Variants in GABRA3 observed in about 807,000 individuals in gnomAD.
GABRA3 encodes gamma-aminobutyric acid type A receptor subunit alpha3, also known as gamma-aminobutyric acid receptor subunit alpha-3.
GABRA3 carries 10 observed loss-of-function variants against 30.1 expected under a neutral mutation model. The ratio of observed to expected loss-of-function variants is 0.33; its 90% CI spans 0.20 to 0.56. The LOEUF is 0.56. Ranked by LOEUF, GABRA3 falls within the 20% of genes least tolerant of loss-of-function variation. The probability of loss-of-function intolerance (pLI) is 0.89; values close to 1 mark genes in which losing one functional copy is unlikely to be tolerated. For synonymous variants in GABRA3, 151 were observed against 146.8 expected (o/e 1.03, Z -0.21); for missense variants, 233 against 392.0 (o/e 0.59, Z 3.42).
Position 152,408,335 on chromosome X carries a change from CA to C in GABRA3, c.-27+42810del, listed in dbSNP as rs921224008. Among the ~76,000 whole-genome samples the C allele has an allele frequency of 2.0e-4, 22 of 109,744 alleles. No homozygotes were observed. The East Asian group carries it at 2.0e-3, about 10-fold the overall frequency. On this transcript the variant is annotated intron_variant, in intron 1 of 9. Transcript: ENST00000370314. ...ATTGTTAAAAACCAAAAGATTCTAC[CA>C]AAAAAAACCATTATAACTGATTTTT...
In GABRA3 at chrX:152,263,249, C is replaced by T. The variant is rs890440347; in HGVS notation, c.331-7251G>A. ...ATAAACTAAATAAGGAACCAGGGAACAAACCTGGAGAAAGAGATATGTGAC... is the reference window on the plus strand; with the variant it reads ...ATAAACTAAATAAGGAACCAGGGAATAAACCTGGAGAAAGAGATATGTGAC... On this transcript the variant is annotated intron_variant, in intron 4 of 9. Coordinates refer to ENST00000370314, the MANE Select transcript of GABRA3 (RefSeq NM_000808.4). Among the ~76,000 whole-genome samples, 3 of 110,743 alleles carry T rather than the reference C, an allele frequency of 2.7e-5. No individual in the cohort carries two copies. The Admixed American group carries it at 2.9e-4, about 11-fold the overall frequency.
intron 1 of GABRA3, among the ~76,000 whole-genome samples, chrX:152,417,870 T>C: frequency 1.3e-5 from 1 of 74,500 alleles, no homozygotes; most frequent in Non-Finnish European, 2.4e-5. Context: ...CTCCAGGGAC[T>C]GTTGTGGGGT....
chrX:152,349,949 A>G (rs1282352192), intron 2 of GABRA3, among the ~76,000 whole-genome samples: 1 of 85,003 alleles, frequency 1.2e-5, no homozygotes, highest in Non-Finnish European at 2.3e-5. Flanking sequence ...CTCTGCACCA[A>G]GAGGACCTAA....
chrX:152,272,368 A>T (rs777835160), intron 4 of GABRA3, among the ~76,000 whole-genome samples: 1 of 112,465 alleles, frequency 8.9e-6, no homozygotes, highest in African/African-American at 3.2e-5. Flanking sequence ...TGACTGCCCT[A>T]TTGGATTTTG....
chrX:152,417,757 C>T (rs1460174254), intron 1 of GABRA3, among the ~76,000 whole-genome samples: 51 of 100,046 alleles, frequency 5.1e-4, no homozygotes, highest in African/African-American at 1.8e-3. Context: ...TCATCATTCT[C>T]AGTAAACTAT....
intron 1 of GABRA3, among the ~76,000 whole-genome samples, chrX:152,392,826 A>T (rs1033001192): frequency 1.8e-5 from 2 of 112,502 alleles, no homozygotes; most frequent in Non-Finnish European, 3.7e-5. Flanking sequence ...ATAGATAGAT[A>T]CAGCACACAA....
At chrX:152,321,399 G>A in intron 3 of GABRA3, among the ~76,000 whole-genome samples, 1 of 111,316 alleles carries the variant, frequency 9.0e-6, no homozygotes, top group Admixed American at 9.6e-5. Flanking sequence ...GATCATCAGG[G>A]AATTCCAATG....
In GABRA3 at chrX:152,262,030, G is replaced by A. The variant is rs907622243; in HGVS notation, c.331-6032C>T. On this transcript the variant is annotated intron_variant, in intron 4 of 9. Coordinates refer to ENST00000370314, the MANE Select transcript of GABRA3 (RefSeq NM_000808.4). ...TGTACCTGCAGGCTCAACATCTTGT[G>A]GAAGCTGCCAAGGCTTGGGGCTTGC... Among the ~76,000 whole-genome samples the A allele has an allele frequency of 2.7e-5, 3 of 112,497 alleles. No homozygotes were observed. The Admixed American group carries it at 2.8e-4, about 11-fold the overall frequency.
At chrX:152,353,461 G>A (rs1286070606) in intron 2 of GABRA3, among the ~76,000 whole-genome samples, 2 of 111,330 alleles carry the variant, frequency 1.8e-5, no homozygotes, top group Non-Finnish European at 3.8e-5. Context: ...CTAGACAAGA[G>A]TAAGCAATAC....
intron 1 of GABRA3, among the ~76,000 whole-genome samples, chrX:152,403,569 CGTGTGT>C (rs35576596): frequency 1.5e-4 from 15 of 100,780 alleles, no homozygotes; most frequent in East Asian, 6.3e-4. Flanking sequence ...TATGTGCACA[CGTGTGT>C]GTGTGTGTGT....
At chrX:152,301,162 T>C (rs995508457) in intron 3 of GABRA3, among the ~76,000 whole-genome samples, 1 of 111,902 alleles carries the variant, frequency 8.9e-6, no homozygotes, top group East Asian at 2.8e-4. Context: ...GAGCAATAAT[T>C]GGAGACTGAA....
chrX:152,267,823 CT>C (rs1200088533), intron 4 of GABRA3, among the ~76,000 whole-genome samples: 1 of 110,620 alleles, frequency 9.0e-6, no homozygotes, highest in African/African-American at 3.3e-5. Flanking sequence ...TGGAATTATT[CT>C]TTTTATTTCT....
intron 3 of GABRA3, among the ~76,000 whole-genome samples, chrX:152,298,079 A>G (rs186175474): frequency 1.9e-3 from 218 of 112,247 alleles, no homozygotes; most frequent in African/African-American, 6.6e-3. Context: ...ATTCCTAAAT[A>G]TTACAGGGAT....
chrX:152,432,155 G>C (rs1408022458), intron 1 of GABRA3, among the ~76,000 whole-genome samples: 2 of 111,792 alleles, frequency 1.8e-5, no homozygotes, highest in Admixed American at 9.5e-5. Context: ...TGTTGTACAA[G>C]TAGGGCAGAT....
chrX:152,337,040 C>T (rs189790351), intron 3 of GABRA3, among the ~76,000 whole-genome samples: 43 of 105,356 alleles, frequency 4.1e-4, no homozygotes, highest in African/African-American at 1.5e-3. Context: ...CCAAAGATAA[C>T]GCTCAGAATC....
intron 7 of GABRA3, among the ~76,000 whole-genome samples, chrX:152,198,498 C>G (rs933060631): frequency 2.7e-5 from 3 of 112,250 alleles, no homozygotes; most frequent in Non-Finnish European, 3.8e-5. Flanking sequence ...GAGATAGGTA[C>G]TAATAATTAC....
At chrX:152,393,196 T>C (rs1473115082) in intron 1 of GABRA3, among the ~76,000 whole-genome samples, 2 of 112,277 alleles carry the variant, frequency 1.8e-5, no homozygotes, top group Non-Finnish European at 3.8e-5. Flanking sequence ...TTATGATATA[T>C]GCTGAAACAG....
At chrX:152,291,505 A>C (rs930017530) in intron 3 of GABRA3, among the ~76,000 whole-genome samples, 3 of 111,051 alleles carry the variant, frequency 2.7e-5, no homozygotes, top group Admixed American at 1.9e-4. Flanking sequence ...CCCTTTATTT[A>C]TTTCTCTTGC....
chrX:152,280,074 TC>T (rs1320748332), intron 4 of GABRA3, among the ~76,000 whole-genome samples: 11 of 111,573 alleles, frequency 9.9e-5, no homozygotes, highest in African/African-American at 3.6e-4. Context: ...CAATTTGACT[TC>T]CTCTTTTCCT....
Sources: gnomAD v4.1 joint callset for allele counts (sites outside exome capture counted in the v4.1 genomes callset) on GRCh38, gnomAD v4.1.1 for gene constraint, MANE v1.5 for transcripts, NCBI Gene and HGNC (gene_info 2026-07-23, HGNC 2026-07-21) for gene names.